USP53: variants seen among roughly 807,000 people sequenced by gnomAD.
USP53 encodes the protein ubiquitin carboxyl-terminal hydrolase 53.
USP53 carries 71 observed loss-of-function variants against 94.9 expected under a neutral mutation model. That is an observed-to-expected ratio of 0.75 (90% CI 0.62 to 0.91). The LOEUF is 0.91. Among genes scored for constraint, USP53 ranks in the 40% least tolerant of loss-of-function variants. The pLI is 0.00. For missense variants in USP53, 1,173 were observed against 1,281.0 expected, an observed-to-expected ratio of 0.92 and a Z score of 1.29; for synonymous variants, 375 against 422.7, an observed-to-expected ratio of 0.89 and a Z score of 1.39.
intron 18 of USP53, among the ~76,000 whole-genome samples, chr4:119,292,025 C>A (rs914797868): frequency 6.6e-6 from 1 of 152,030 alleles, no homozygotes; most frequent in Non-Finnish European, 1.5e-5. Flanking sequence ...TATATTGTTA[C>A]AAATAAATGT....
At chr4:119,263,534 G>A (rs1750749588) in intron 12 of USP53, among the ~76,000 whole-genome samples, 1 of 152,174 alleles carries the variant, frequency 6.6e-6, no homozygotes, top group African/African-American at 2.4e-5. Context: ...GTGCATGTGA[G>A]GGGTGAACCC....
intron 3 of USP53, among the ~76,000 whole-genome samples, chr4:119,221,653 C>T (rs1422439858): frequency 6.6e-6 from 1 of 152,058 alleles, no homozygotes; most frequent in Non-Finnish European, 1.5e-5. Context: ...AAACGGGGAA[C>T]TTGAGCCTTC....
In USP53 at chr4:119,292,754, C is replaced by A. The variant is rs1175894917; in HGVS notation, c.2765C>A (p.Pro922His). ...MPKLFCQNLPPPLPPKKYAIT... is the reference protein window; with the variant it reads ...MPKLFCQNLPHPLPPKKYAIT... Reference sequence around the variant, plus strand: ...AAACTTTTTTGCCAGAATCTACCACCCCCTTTGCCACCAAAGAAATATGCT... The same window carrying A: ...AAACTTTTTTGCCAGAATCTACCACACCCTTTGCCACCAAAGAAATATGCT... Residue 922 changes from proline (P) to histidine (H), a missense_variant, in exon 19 of 19, where the codon CCC becomes CAC. By Grantham distance (77) the Pro-to-His change is moderately conservative. Transcript: ENST00000692078. The A allele has an allele frequency of 6.2e-7, 1 of 1,614,022 alleles. No individual in the cohort carries two copies. The highest frequency in any genetic ancestry group is 1.7e-5 in the Admixed American group (1 of 60,006).
At chr4:119,222,665 A>T (rs1311470370) in intron 3 of USP53, among the ~76,000 whole-genome samples, 2 of 152,128 alleles carry the variant, frequency 1.3e-5, no homozygotes, top group Admixed American at 6.5e-5. Context: ...TCCATTATGT[A>T]TACATACCAC....
At chr4:119,280,444 G>A (rs1037200112) in intron 17 of USP53, among the ~76,000 whole-genome samples, 7 of 152,074 alleles carry the variant, frequency 4.6e-5, no homozygotes, top group Non-Finnish European at 1.0e-4. Flanking sequence ...TTAGAAACTG[G>A]CTGTAGACTG....
chr4:119,246,892 CA>C (rs1300871854), intron 6 of USP53, among the ~76,000 whole-genome samples: 2 of 152,004 alleles, frequency 1.3e-5, no homozygotes, highest in Non-Finnish European at 2.9e-5. Context: ...ATAAATGTTT[CA>C]TTTTTTTACA....
At chr4:119,290,670 A>T (rs903153431) in intron 17 of USP53, among the ~76,000 whole-genome samples, 30 of 152,216 alleles carry the variant, frequency 2.0e-4, no homozygotes, top group Non-Finnish European at 2.9e-4. Flanking sequence ...AATTCAGTTT[A>T]AATTCCTAAT....
intron 5 of USP53, among the ~76,000 whole-genome samples, chr4:119,241,501 C>A (rs1747529847): frequency 8.7e-6 from 1 of 114,874 alleles, no homozygotes; most frequent in Admixed American, 8.4e-5. Context: ...TAAAGATGGT[C>A]CAAGTTGACA....
At chr4:119,263,042 A>G (rs1750695409) in intron 12 of USP53, among the ~76,000 whole-genome samples, 1 of 152,234 alleles carries the variant, frequency 6.6e-6, no homozygotes, top group African/African-American at 2.4e-5. Context: ...TGTTATAAGC[A>G]AATGATGTAG....
chr4:119,278,229 C>T lies in USP53; in HGVS notation c.2251+4521C>T, dbSNP rs1279162764. Among the ~76,000 whole-genome samples the T allele has an allele frequency of 5.2e-3, 771 of 149,258 alleles. 4 individuals carry two copies. Among genetic ancestry groups the T allele is most frequent in the Non-Finnish European group, 8.4e-3 (564 of 67,136 alleles). ...TTTACATTTTGGCATGATTTTGCAG[C>T]GGCTGGTACCGGTTGTTCCTTTCCA... On this transcript the variant is annotated intron_variant, in intron 17 of 18. Coordinates refer to ENST00000692078, the MANE Select transcript of USP53 (RefSeq NM_001371395.1).
intron 3 of USP53, chr4:119,219,008 C>G (rs1447226404): frequency 2.7e-5 from 4 of 146,750 alleles, no homozygotes; most frequent in Admixed American, 6.9e-5. Context: ...TGCAGTGATT[C>G]TGTGCTAATA....
chr4:119,290,862 C>A (rs1468578826), intron 17 of USP53, among the ~76,000 whole-genome samples: 1 of 152,058 alleles, frequency 6.6e-6, no homozygotes. Flanking sequence ...CAGTAAAGAT[C>A]TTGTCTTAAG....
rs758458048 is a variant in USP53 at position 119,293,844 on chromosome 4, T to A, written c.*633T>A. 2 of 152,000 alleles carry A rather than the reference T, an allele frequency of 1.3e-5. No individual in the cohort carries two copies. The highest frequency in any genetic ancestry group is 2.9e-5 in the Non-Finnish European group (2 of 67,962). The allele number at this position is 152,000 out of a possible 1,614,324, so 9.4% of individuals were successfully genotyped here. A position where few individuals can be genotyped will look rare whatever the true frequency, so the allele number is the denominator to read the frequency against. The stretch of plus-strand genomic sequence containing the variant: ...AAGTGTCTTTAAAAAAAATGACTTA[T>A]GAATTTGATAGCATTTGGGGAAAAA... On this transcript the variant is annotated 3_prime_UTR_variant, in exon 19 of 19. Coordinates refer to ENST00000692078, the MANE Select transcript of USP53 (RefSeq NM_001371395.1).
In USP53 at chr4:119,271,332, G is replaced by A. The variant is rs1429341064; in HGVS notation, c.1472G>A (p.Gly491Glu). ...VDEDLSHFQS[G>E]SPPAPNGFKQ... ...GAAGACCTTTCACATTTCCAATCTG[G>A]ATCACCTCCTGCCCCAAATGGTTTT... Residue 491 changes from glycine to glutamate, a missense_variant, in exon 16 of 19, where the codon GGA (glycine) becomes GAA (glutamate). Coordinates refer to ENST00000692078, the MANE Select transcript of USP53 (RefSeq NM_001371395.1). 1 of 1,577,406 alleles carries A rather than the reference G, an allele frequency of 6.3e-7. No homozygotes were observed. The highest frequency in any genetic ancestry group is 1.4e-5 in the African/African-American group (1 of 72,830).
intron 17 of USP53, among the ~76,000 whole-genome samples, chr4:119,280,111 A>G (rs905888470): frequency 1.3e-5 from 2 of 152,148 alleles, no homozygotes; most frequent in Non-Finnish European, 2.9e-5. Flanking sequence ...CTATTCGGCC[A>G]TCTTGGCTCC....
intron 16 of USP53, 113 bp from the exon 17 acceptor site, chr4:119,273,519 C>A: frequency 1.5e-6 from 1 of 680,958 alleles, no homozygotes; most frequent in Non-Finnish European, 2.5e-6. Flanking sequence ...GTACATTAAG[C>A]CCTAGAACAG....
intron 17 of USP53, among the ~76,000 whole-genome samples, chr4:119,287,266 G>A (rs191574764): frequency 1.3e-5 from 2 of 152,106 alleles, no homozygotes; most frequent in African/African-American, 4.8e-5. Flanking sequence ...GGAAGTAAAC[G>A]TGTTAAATCT....
At chr4:119,269,493 T>C (rs1011744917) in intron 14 of USP53, among the ~76,000 whole-genome samples, 198 bp from the exon 15 acceptor site, 2 of 152,204 alleles carry the variant, frequency 1.3e-5, no homozygotes, top group Non-Finnish European at 2.9e-5. Context: ...CAAGGAGTTT[T>C]AAAATACAAC....
At chr4:119,240,492 T>G (rs912907024) in intron 5 of USP53, among the ~76,000 whole-genome samples, 1 of 152,188 alleles carries the variant, frequency 6.6e-6, no homozygotes, top group African/African-American at 2.4e-5. Flanking sequence ...TAATAAAGTT[T>G]TTATTCAGCA....
Sources: allele counts gnomAD v4.1 joint callset (sites outside exome capture counted in the v4.1 genomes callset), GRCh38; gene constraint gnomAD v4.1.1; transcripts MANE v1.5; gene names NCBI Gene and HGNC (gene_info 2026-07-23, HGNC 2026-07-21).